Variants in PCDHGA1 observed in about 807,000 individuals in gnomAD.
PCDHGA1 encodes the protein protocadherin gamma-A1.
A neutral mutation model predicts 58.0 loss-of-function variants in PCDHGA1; 32 were observed. The observed-to-expected ratio is 0.55, with a 90% confidence interval of 0.42 to 0.74. The LOEUF (loss-of-function observed/expected upper bound fraction) is 0.74. Ranked by LOEUF, PCDHGA1 falls within the 30% of genes least tolerant of loss-of-function variation. The probability of loss-of-function intolerance (pLI) is 0.00; values close to 1 mark genes in which losing one functional copy is unlikely to be tolerated. For missense variants in PCDHGA1, 1,205 were observed against 1,182.3 expected (o/e 1.02, Z -0.28); for synonymous variants, 498 against 501.1 (o/e 0.99, Z 0.08).
intron 1 of PCDHGA1, chr5:141,340,059 G>C (rs1756902399): frequency 6.2e-7 from 1 of 1,614,012 alleles, no homozygotes. Context: ...TCTCTTCCAG[G>C]AACCATAATT....
intron 1 of PCDHGA1, chr5:141,396,749 A>G (rs944470602): frequency 1.3e-5 from 2 of 152,368 alleles, no homozygotes; most frequent in African/African-American, 4.8e-5. Flanking sequence ...GTAGAAGTAG[A>G]TGACCCAATA....
intron 1 of PCDHGA1, chr5:141,428,464 G>A (rs904800167): frequency 1.1e-4 from 37 of 344,652 alleles, no homozygotes; most frequent in African/African-American, 6.3e-4. Context: ...CTACAATGAG[G>A]GAACTTTGCT....
In PCDHGA1 at chr5:141,422,240, T is replaced by C. The variant is rs1472994337; in HGVS notation, c.2422-72567T>C. ...ACCACCACGACGATGTTGATCACTG[T>C]TGTGGATGTGAATGATAACGCTCCA... On this transcript the variant is annotated intron_variant, in intron 1 of 3. Coordinates refer to ENST00000517417, the MANE Select transcript of PCDHGA1 (RefSeq NM_018912.3). 1.3e-6 allele frequency: 2 copies of C among 1,566,716 alleles called. No individual in the cohort carries two copies. The highest frequency in any genetic ancestry group is 1.2e-5 in the South Asian group (1 of 81,384).
At chr5:141,423,367 G>A (rs1478466218) in intron 1 of PCDHGA1, 2 of 1,614,068 alleles carry the variant, frequency 1.2e-6, no homozygotes, top group Admixed American at 1.7e-5. Context: ...CGTGCTGCTG[G>A]CACTCAGGCT....
rs751560177 is a variant in PCDHGA1 at position 141,432,962 on chromosome 5, G to T, written c.2422-61845G>T. 7 of 1,614,092 alleles carry T rather than the reference G, an allele frequency of 4.3e-6. No individual in the cohort carries two copies. The highest frequency in any genetic ancestry group is 5.9e-6 in the Non-Finnish European group (7 of 1,180,046). Reference sequence around the variant, plus strand: ...GGCTTCAGGAGGCGGCTTGACAGGAGCGCCGGCGTCGCACTTTGTGGGCGT... The same window carrying T: ...GGCTTCAGGAGGCGGCTTGACAGGATCGCCGGCGTCGCACTTTGTGGGCGT... On this transcript the variant is annotated intron_variant, in intron 1 of 3. Transcript: ENST00000517417. The surrounding 1 kb of genome is among the most constrained non-coding windows in gnomAD (Gnocchi z 6.0).
intron 1 of PCDHGA1, among the ~76,000 whole-genome samples, chr5:141,466,268 T>A (rs568525260): frequency 6.6e-6 from 1 of 152,150 alleles, no homozygotes; most frequent in Non-Finnish European, 1.5e-5. Context: ...CCTCGTGAGC[T>A]CAAGCAATCT....
chr5:141,393,774 G>A (rs767667499), intron 1 of PCDHGA1: 9 of 1,613,824 alleles, frequency 5.6e-6, no homozygotes, highest in Non-Finnish European at 7.6e-6. Context: ...GGAAATACAA[G>A]CCGAAGATGT....
chr5:141,349,772 T>C (rs1282958709), intron 1 of PCDHGA1, among the ~76,000 whole-genome samples: 1 of 152,094 alleles, frequency 6.6e-6, no homozygotes, highest in Non-Finnish European at 1.5e-5. Context: ...AGTTTATAAA[T>C]ATAGTGAAAT....
intron 1 of PCDHGA1, chr5:141,384,826 G>T: frequency 6.2e-7 from 1 of 1,613,472 alleles, no homozygotes; most frequent in Non-Finnish European, 8.5e-7. Context: ...GCAGAGCCTC[G>T]TGGTGGCCGT....
intron 1 of PCDHGA1, chr5:141,399,313 A>C: frequency 6.2e-7 from 1 of 1,613,952 alleles, no homozygotes; most frequent in Non-Finnish European, 8.5e-7. Flanking sequence ...TTCATCCAAA[A>C]ATTCGTATAA....
At chr5:141,371,243 T>C in intron 1 of PCDHGA1, 1 of 1,614,002 alleles carries the variant, frequency 6.2e-7, no homozygotes. Flanking sequence ...CCTTCATCAA[T>C]ATTGGCAAGG....
At chr5:141,362,890 A>T (rs933124427) in intron 1 of PCDHGA1, among the ~76,000 whole-genome samples, 2 of 152,196 alleles carry the variant, frequency 1.3e-5, no homozygotes, top group African/African-American at 4.8e-5. Context: ...TTTTAGTTTT[A>T]CTTCCTCTTA....
chr5:141,464,519 A>G (rs974292961), intron 1 of PCDHGA1, among the ~76,000 whole-genome samples: 21 of 152,058 alleles, frequency 1.4e-4, no homozygotes, highest in African/African-American at 4.1e-4. Context: ...AGGTAAAGGC[A>G]TATGTAGTTT....
At chr5:141,354,250 C>T (rs1389170911) in intron 1 of PCDHGA1, among the ~76,000 whole-genome samples, 1 of 152,000 alleles carries the variant, frequency 6.6e-6, no homozygotes, top group Non-Finnish European at 1.5e-5. Context: ...GTTATTTACC[C>T]ATTGTTTTAG....
chr5:141,477,063 A>G lies in PCDHGA1; in HGVS notation c.2422-17744A>G, dbSNP rs2099404387. 6.2e-7 allele frequency: 1 copy of G among 1,614,248 alleles called. No individual in the cohort carries two copies. On this transcript the variant is annotated intron_variant, in intron 1 of 3. Coordinates refer to ENST00000517417, the MANE Select transcript of PCDHGA1 (RefSeq NM_018912.3). The surrounding 1 kb of genome is among the most constrained non-coding windows in gnomAD (Gnocchi z 4.9). Reference sequence around the variant, plus strand: ...GGTCGGCTGGACTTCGAGGACACCAAACTCCATGAGATTTACATCCAGGCC... The same window carrying G: ...GGTCGGCTGGACTTCGAGGACACCAGACTCCATGAGATTTACATCCAGGCC...
At chr5:141,340,177 C>T (rs1459415373) in intron 1 of PCDHGA1, 2 of 1,614,050 alleles carry the variant, frequency 1.2e-6, no homozygotes, top group Non-Finnish European at 1.7e-6. Context: ...ACAATTACTA[C>T]CGACTGGTTA....
At chr5:141,372,895 T>C in intron 1 of PCDHGA1, 1 of 1,115,450 alleles carries the variant, frequency 9.0e-7, no homozygotes, top group South Asian at 1.7e-5. Flanking sequence ...AGATTAAATA[T>C]TCCCTGATTA....
intron 1 of PCDHGA1, chr5:141,382,920 C>T (rs894174603): frequency 2.6e-6 from 4 of 1,558,806 alleles, no homozygotes; most frequent in Admixed American, 1.9e-5. Flanking sequence ...AGCCGAGGGG[C>T]GGGGACTACA....
chr5:141,445,245 T>C (rs2098460607), intron 1 of PCDHGA1, among the ~76,000 whole-genome samples: 1 of 152,212 alleles, frequency 6.6e-6, no homozygotes, highest in Non-Finnish European at 1.5e-5. Flanking sequence ...TTACACTATA[T>C]TGTGTGAGAA....
Sources: allele counts gnomAD v4.1 joint callset (sites outside exome capture counted in the v4.1 genomes callset), GRCh38; gene constraint gnomAD v4.1.1; non-coding constraint Gnocchi (gnomAD v3.1); transcripts MANE v1.5; gene names NCBI Gene and HGNC (gene_info 2026-07-23, HGNC 2026-07-21).